MAGI1: variants seen among roughly 807,000 people sequenced by gnomAD.
The protein encoded by MAGI1 is membrane associated guanylate kinase, WW and PDZ domain containing 1, also known as membrane-associated guanylate kinase, WW and PDZ domain-containing protein 1.
A neutral mutation model predicts 139.9 loss-of-function variants in MAGI1; 58 were observed. That is an observed-to-expected ratio of 0.41 (90% CI 0.34 to 0.52). MAGI1 has a LOEUF of 0.52. MAGI1 is among the 20% of genes least tolerant of loss of function. The pLI, the probability that MAGI1 is intolerant of heterozygous loss-of-function variation, is 0.12. For synonymous variants in MAGI1, 812 were observed against 737.9 expected (o/e 1.10, Z -1.63); for missense variants, 1,874 against 1,901.6 (o/e 0.99, Z 0.27).
chr3:65,920,018 C>A (rs111935707), intron 1 of MAGI1, among the ~76,000 whole-genome samples: 1 of 152,180 alleles, frequency 6.6e-6, no homozygotes, highest in African/African-American at 2.4e-5. Context: ...TAAATTCACA[C>A]AAACTTCTCG....
intron 1 of MAGI1, among the ~76,000 whole-genome samples, chr3:65,914,775 G>A (rs987246417): frequency 9.2e-5 from 14 of 152,166 alleles, no homozygotes; most frequent in Admixed American, 7.9e-4. Flanking sequence ...ATATTTACAG[G>A]ATATATGTAC....
At chr3:65,382,833 T>C (rs2106911805) in intron 15 of MAGI1, among the ~76,000 whole-genome samples, 1 of 152,222 alleles carries the variant, frequency 6.6e-6, no homozygotes, top group South Asian at 2.1e-4. Context: ...GATAAACTGG[T>C]GGGTTTGACG....
rs560509832 is a variant in MAGI1 at position 65,598,519 on chromosome 3, T to G, written c.430+23453A>C. Among the ~76,000 whole-genome samples, 21 of 152,330 alleles carry G rather than the reference T, an allele frequency of 1.4e-4. 1 individual carries two copies. The highest frequency in any genetic ancestry group is 1.0e-3 in the South Asian group (5 of 4,828). On this transcript the variant is annotated intron_variant, in intron 2 of 22. Coordinates refer to ENST00000402939, the MANE Select transcript of MAGI1 (RefSeq NM_001033057.2). ...TCCCCAACTTTGGAAGGAATTCCAA[T>G]AGATAATAACTCTTATGTTTGAAAT...
chr3:65,499,303 G>C (rs2076994246), intron 2 of MAGI1, among the ~76,000 whole-genome samples: 1 of 152,148 alleles, frequency 6.6e-6, no homozygotes, highest in Admixed American at 6.5e-5. Context: ...AATGAAATAT[G>C]GTTGATCCAC....
At chr3:65,519,960 T>C (rs1296744151) in intron 2 of MAGI1, among the ~76,000 whole-genome samples, 1 of 152,224 alleles carries the variant, frequency 6.6e-6, no homozygotes, top group Non-Finnish European at 1.5e-5. Flanking sequence ...GCTTCTGCTT[T>C]GGTCCTTTGG....
chr3:65,438,606 C>G (rs530846133), intron 9 of MAGI1, among the ~76,000 whole-genome samples: 63 of 152,330 alleles, frequency 4.1e-4, no homozygotes, highest in Non-Finnish European at 7.5e-4. Flanking sequence ...CATACCTACT[C>G]TCTCTAAATT....
chr3:65,760,128 T>C lies in MAGI1; in HGVS notation c.314-138040A>G, dbSNP rs73832947. ...ATGCTAACCACTGTTACTATGATTG[T>C]TGTCATCATTGTCTTCAACTTCCTC... On this transcript the variant is annotated intron_variant, in intron 1 of 22. Coordinates refer to ENST00000402939, the MANE Select transcript of MAGI1 (RefSeq NM_001033057.2). Among the ~76,000 whole-genome samples, 980 of 151,990 alleles carry C rather than the reference T, an allele frequency of 6.4e-3. 8 individuals are homozygous for C. Among genetic ancestry groups the C allele is most frequent in the African/African-American group, 0.023 (940 of 41,380 alleles).
At chr3:65,548,064 C>A (rs745847767) in intron 2 of MAGI1, among the ~76,000 whole-genome samples, 1 of 152,186 alleles carries the variant, frequency 6.6e-6, no homozygotes, top group African/African-American at 2.4e-5. Flanking sequence ...TGCAACCCTG[C>A]GGCAATAACC....
At chr3:65,608,986 C>G (rs1476964126) in intron 2 of MAGI1, among the ~76,000 whole-genome samples, 1 of 152,092 alleles carries the variant, frequency 6.6e-6, no homozygotes, top group African/African-American at 2.4e-5. Context: ...AAAGTTACAG[C>G]AGAAGAATAC....
At chr3:65,846,194 G>C (rs924003277) in intron 1 of MAGI1, among the ~76,000 whole-genome samples, 1 of 152,154 alleles carries the variant, frequency 6.6e-6, no homozygotes, top group African/African-American at 2.4e-5. Flanking sequence ...AGAAGGCAGT[G>C]GCTATGTGAA....
intron 2 of MAGI1, among the ~76,000 whole-genome samples, chr3:65,550,296 G>A (rs769956455): frequency 6.6e-6 from 1 of 152,170 alleles, no homozygotes; most frequent in Non-Finnish European, 1.5e-5. Flanking sequence ...AGGTCACTCA[G>A]CTAAGAAATG....
At chr3:65,812,898 A>G (rs1429097000) in intron 1 of MAGI1, among the ~76,000 whole-genome samples, 1 of 151,378 alleles carries the variant, frequency 6.6e-6, no homozygotes, top group East Asian at 1.9e-4. Flanking sequence ...TTTAGCAGAG[A>G]TGGGGTTTCT....
chr3:65,386,230 A>G (rs907512405), intron 14 of MAGI1, among the ~76,000 whole-genome samples: 1 of 135,944 alleles, frequency 7.4e-6, no homozygotes, highest in Non-Finnish European at 1.6e-5. Context: ...GGCTTATCAC[A>G]CCGTTTAGGC....
chr3:65,357,524 G>C (rs73832825), intron 22 of MAGI1, among the ~76,000 whole-genome samples: 2,057 of 51,390 alleles, frequency 0.04, 54 homozygotes, highest in African/African-American at 0.13. Context: ...GTGCCCACCC[G>C]TCTCCCACAC....
At chr3:65,384,841 T>C (rs1188498887) in intron 14 of MAGI1, among the ~76,000 whole-genome samples, 1 of 151,870 alleles carries the variant, frequency 6.6e-6, no homozygotes, top group Non-Finnish European at 1.5e-5. Context: ...TTCTAGGGAT[T>C]TAAGCATCCA....
intron 1 of MAGI1, among the ~76,000 whole-genome samples, chr3:65,799,394 T>G (rs1164592305): frequency 6.6e-6 from 1 of 152,166 alleles, no homozygotes; most frequent in East Asian, 1.9e-4. Flanking sequence ...TGAGTGACAC[T>G]AAGTTATTTG....
intron 12 of MAGI1, chr3:65,401,989 T>A (rs1003673828): frequency 1.4e-6 from 1 of 740,396 alleles, no homozygotes; most frequent in Non-Finnish European, 1.6e-6. Flanking sequence ...GGAAATGCTT[T>A]CTTTATTTGG....
At chr3:65,777,653 A>AG (rs2038567705) in intron 1 of MAGI1, among the ~76,000 whole-genome samples, 2 of 151,442 alleles carry the variant, frequency 1.3e-5, no homozygotes, top group Non-Finnish European at 2.9e-5. Context: ...AAAAAAAAAA[A>AG]AAAAAGAAAG....
chr3:65,917,679 G>A (rs77783803), intron 1 of MAGI1, among the ~76,000 whole-genome samples: 10,845 of 152,238 alleles, frequency 0.071, 523 homozygotes, highest in Middle Eastern at 0.11. Context: ...AGTGAAAGAA[G>A]CCAATGTGAA....
Sources: allele counts gnomAD v4.1 joint callset (sites outside exome capture counted in the v4.1 genomes callset), GRCh38; gene constraint gnomAD v4.1.1; transcripts MANE v1.5; gene names NCBI Gene and HGNC (gene_info 2026-07-23, HGNC 2026-07-21).